The following ELMOD3 variants were observed in gnomAD, a reference collection of about 807,000 sequenced individuals.
ELMOD3 encodes ELMO domain-containing protein 3.
ELMOD3 carries 36 observed loss-of-function variants against 47.4 expected under a neutral mutation model. That is an observed-to-expected ratio of 0.76 (90% CI 0.58 to 1.00). ELMOD3 has a LOEUF of 1.00. Ranked by LOEUF, ELMOD3 falls within the 50% of genes least tolerant of loss-of-function variation. ELMOD3 has a pLI of 0.00. For missense variants in ELMOD3, 404 were observed against 463.8 expected, an observed-to-expected ratio of 0.87 and a Z score of 1.18; for synonymous variants, 149 against 183.5, an observed-to-expected ratio of 0.81 and a Z score of 1.52.
intron 10 of ELMOD3, among the ~76,000 whole-genome samples, chr2:85,375,647 G>C (rs1685123348): frequency 6.6e-6 from 1 of 152,074 alleles, no homozygotes; most frequent in African/African-American, 2.4e-5. Context: ...AGATCCTATA[G>C]TCACTTTCTA....
At chr2:85,388,736 G>C (rs1004550454) in intron 11 of ELMOD3, among the ~76,000 whole-genome samples, 3 of 152,230 alleles carry the variant, frequency 2.0e-5, no homozygotes, top group African/African-American at 7.2e-5. Context: ...CTGGAAATGT[G>C]GCTAGTACCA....
intron 11 of ELMOD3, among the ~76,000 whole-genome samples, chr2:85,382,956 A>AAAAAAAC (rs1685683174): frequency 1.4e-5 from 1 of 71,576 alleles, no homozygotes; most frequent in Non-Finnish European, 3.3e-5. Context: ...AAAAAAAAAC[A>AAAAAAAC]AAAAAAACTC....
At chr2:85,389,924 C>T in intron 12 of ELMOD3, 97 bp downstream of exon 12, 1 of 1,237,236 alleles carries the variant, frequency 8.1e-7, no homozygotes, top group Middle Eastern at 1.9e-4. Context: ...CACCTGCTGG[C>T]TCCTGGAGGG....
At chr2:85,382,116 C>CAA (rs59898267) in intron 11 of ELMOD3, among the ~76,000 whole-genome samples, 59 of 39,824 alleles carry the variant, frequency 1.5e-3, no homozygotes, top group East Asian at 1.7e-3. Flanking sequence ...GACTCCTTCT[C>CAA]AAAAAAAAAA....
chr2:85,377,584 G>T (rs181731994), intron 11 of ELMOD3, 110 bp downstream of exon 11: 2 of 1,199,418 alleles, frequency 1.7e-6, no homozygotes, highest in African/African-American at 1.6e-5. Flanking sequence ...GGGCTTCCCC[G>T]TCAGTCTGAC....
At chr2:85,375,722 T>C (rs1685128359) in intron 10 of ELMOD3, among the ~76,000 whole-genome samples, 1 of 152,202 alleles carries the variant, frequency 6.6e-6, no homozygotes, top group South Asian at 2.1e-4. Context: ...TGTCTTATAG[T>C]TTTCTAGTTC....
At chr2:85,385,149 C>CAT (rs2104715619) in intron 11 of ELMOD3, among the ~76,000 whole-genome samples, 1 of 152,224 alleles carries the variant, frequency 6.6e-6, no homozygotes, top group South Asian at 2.1e-4. Context: ...GGGAGAAGAA[C>CAT]ATACCAGGCA....
At position 85,388,202 on chromosome 2, in the gene ELMOD3, C is replaced by T. The variant is rs571103190; in HGVS notation, c.739-1549C>T. 2.0e-5 allele frequency among the ~76,000 whole-genome samples: 3 copies of T among 152,140 alleles called. No homozygotes were observed. The East Asian group carries it at 5.8e-4, about 29-fold the overall frequency. On this transcript the variant is annotated intron_variant, in intron 11 of 13. Coordinates refer to ENST00000409013, the MANE Select transcript of ELMOD3 (RefSeq NM_001135022.2). ...ACAGGATCTCACCATGTTGCCCAGG[C>T]TGGTCTTGAACTCCTAGACTCAAGT...
intron 6 of ELMOD3, among the ~76,000 whole-genome samples, chr2:85,364,827 T>TATA (rs1558696769): frequency 0.019 from 1,065 of 57,128 alleles, no homozygotes; most frequent in African/African-American, 0.034. Flanking sequence ...ATATATATAT[T>TATA]TTTTTTTTTT....
rs752450909 is a variant in ELMOD3, at chr2:85,357,260, T to C, written c.54+8T>C. Reference sequence around the variant, plus strand: ...GAATTAAGAGATGGACAGGTAAGCATGCACTCTTATTTGGGAAAGGTGGTG... The same window carrying C: ...GAATTAAGAGATGGACAGGTAAGCACGCACTCTTATTTGGGAAAGGTGGTG... On this transcript the variant is annotated splice_region_variant and intron_variant, in intron 4 of 13. Transcript: ENST00000409013. The C allele has an allele frequency of 1.3e-6, 2 of 1,577,114 alleles. No individual in the cohort carries two copies. The highest frequency in any genetic ancestry group is 8.7e-7 in the Non-Finnish European group (1 of 1,149,948).
intron 4 of ELMOD3, among the ~76,000 whole-genome samples, chr2:85,360,161 G>T (rs1307826929): frequency 6.6e-6 from 1 of 150,792 alleles, no homozygotes; most frequent in Non-Finnish European, 1.5e-5. Context: ...AGCTACTCAG[G>T]AGTCTGAGGC....
chr2:85,356,057 T>C (rs1241453441), intron 3 of ELMOD3: 1 of 152,268 alleles, frequency 6.6e-6, no homozygotes, highest in African/African-American at 2.4e-5. Flanking sequence ...ATCTGCCCAC[T>C]TAGGATGCAA....
chr2:85,387,864 GA>G (rs1305389311), intron 11 of ELMOD3, among the ~76,000 whole-genome samples: 1 of 152,070 alleles, frequency 6.6e-6, no homozygotes, highest in African/African-American at 2.4e-5. Flanking sequence ...TCAGCAAAGG[GA>G]AGAATTACAT....
intron 12 of ELMOD3, 87 bp downstream of exon 12, chr2:85,389,914 C>A: frequency 1.6e-6 from 2 of 1,289,440 alleles, no homozygotes; most frequent in Non-Finnish European, 2.2e-6. Flanking sequence ...AGCTCTACTC[C>A]ACCTGCTGGC....
intron 9 of ELMOD3, 91 bp downstream of exon 9, chr2:85,371,300 T>C (rs1408637847): frequency 7.5e-6 from 12 of 1,607,046 alleles, no homozygotes; most frequent in Non-Finnish European, 1.0e-5. Flanking sequence ...GCCAGGAATA[T>C]TGCATGTACC....
intron 3 of ELMOD3, 88 bp downstream of exon 3, chr2:85,355,686 C>T (rs1339836316): frequency 1.3e-5 from 2 of 152,198 alleles, no homozygotes; most frequent in Admixed American, 6.5e-5. Flanking sequence ...TATTACCATA[C>T]CCGCCTGTCA....
chr2:85,357,959 T>A (rs1182098681), intron 4 of ELMOD3, among the ~76,000 whole-genome samples: 2 of 152,168 alleles, frequency 1.3e-5, no homozygotes, highest in Non-Finnish European at 2.9e-5. Context: ...TGCTTAGTAC[T>A]GTGCCAATGG....
chr2:85,370,768 G>A (rs1199913108), intron 8 of ELMOD3, among the ~76,000 whole-genome samples: 3 of 152,188 alleles, frequency 2.0e-5, no homozygotes, highest in East Asian at 3.9e-4. Context: ...GGGGGAGCTG[G>A]GCAGGTGTAA....
chr2:85,385,463 T>C (rs1685859921), intron 11 of ELMOD3, among the ~76,000 whole-genome samples: 1 of 152,204 alleles, frequency 6.6e-6, no homozygotes, highest in Non-Finnish European at 1.5e-5. Context: ...GGGGTCACAG[T>C]GCTCAGTTGG....
Sources: allele counts gnomAD v4.1 joint callset (sites outside exome capture counted in the v4.1 genomes callset), GRCh38; gene constraint gnomAD v4.1.1; transcripts MANE v1.5; gene names NCBI Gene and HGNC (gene_info 2026-07-23, HGNC 2026-07-21).